GCLM: variants seen among roughly 807,000 people sequenced by gnomAD.
GCLM encodes the protein glutamate--cysteine ligase regulatory subunit.
A neutral mutation model predicts 36.0 loss-of-function variants in GCLM; 15 were observed. That is an observed-to-expected ratio of 0.42 (90% CI 0.28 to 0.64). GCLM has a LOEUF of 0.64. GCLM is among the 30% of genes least tolerant of loss of function. The probability of loss-of-function intolerance (pLI) is 0.25; values close to 1 mark genes in which losing one functional copy is unlikely to be tolerated. For synonymous variants in GCLM, 129 were observed against 122.8 expected (o/e 1.05, Z -0.34); for missense variants, 242 against 325.5 (o/e 0.74, Z 1.97).
chr1:93,888,958 G>T lies in GCLM; in HGVS notation c.*32C>A. 13 of 1,444,432 alleles carry T rather than the reference G, an allele frequency of 9.0e-6. No homozygotes were observed. The highest frequency in any genetic ancestry group is 1.2e-5 in the Non-Finnish European group (13 of 1,073,774). The allele number at this position is 1,444,432 out of a possible 1,614,324, so 89.5% of individuals were successfully genotyped here. A position where few individuals can be genotyped will look rare whatever the true frequency, so the allele number is the denominator to read the frequency against. ...ATCTCAATTTTCTCTCATATTGAAG[G>T]AAATTACAGGTAAGTTATGCTCCTA... On this transcript the variant is annotated 3_prime_UTR_variant, in exon 7 of 7. Transcript: ENST00000370238.
intron 1 of GCLM, among the ~76,000 whole-genome samples, chr1:93,906,611 G>A (rs892210644): frequency 3.3e-5 from 5 of 152,124 alleles, no homozygotes; most frequent in African/African-American, 7.2e-5. Flanking sequence ...TTACAATTAC[G>A]TAGGAAATTC....
At chr1:93,901,188 A>C (rs777724994) in intron 3 of GCLM, among the ~76,000 whole-genome samples, 16 of 152,096 alleles carry the variant, frequency 1.1e-4, no homozygotes, top group Non-Finnish European at 1.9e-4. Flanking sequence ...GTTTCTTTTT[A>C]TATTCCCAGG....
chr1:93,904,563 A>T lies in GCLM; in HGVS notation c.152T>A (p.Leu51Ter). 1 of 1,612,008 alleles carries T rather than the reference A, an allele frequency of 6.2e-7. No individual in the cohort carries two copies. The highest frequency in any genetic ancestry group is 8.5e-7 in the Non-Finnish European group (1 of 1,178,148). ...EELHDCIQKT[L>*]NEWSSQINPD... The stretch of plus-strand genomic sequence containing the variant: ...GTTGATTTGGGAACTCCATTCATTC[A>T]AGGTTTTTTGGATACAATCATGAAG... The change falls in exon 2 of 7, where the codon TTG becomes TAG. Residue 51 changes from leucine (L) to a stop codon, truncating the protein, a stop_gained. Coordinates refer to ENST00000370238, the MANE Select transcript of GCLM (RefSeq NM_002061.4). LOFTEE classifies it high-confidence loss of function.
chr1:93,903,306 A>T (rs191729897), intron 2 of GCLM, among the ~76,000 whole-genome samples: 205 of 151,114 alleles, frequency 1.4e-3, no homozygotes, highest in African/African-American at 4.7e-3. Context: ...TTATTTATTT[A>T]ATTTTATTAT....
At chr1:93,889,578 C>CATAT (rs147435328) in intron 6 of GCLM, among the ~76,000 whole-genome samples, 1 of 149,148 alleles carries the variant, frequency 6.7e-6, no homozygotes. Flanking sequence ...TATATATCTT[C>CATAT]ATATATATAT....
At chr1:93,898,303 GAAAA>G (rs58007552) in intron 3 of GCLM, among the ~76,000 whole-genome samples, 723 of 16,370 alleles carry the variant, frequency 0.044, 6 homozygotes, top group African/African-American at 0.14. Flanking sequence ...GAAGAAAACT[GAAAA>G]AAAAAAAAAA....
Position 93,909,019 on chromosome 1 carries a change from CG to C in GCLM, c.126+18del. ...GAGGCCTGCCCCGGGAGCCCCGCGGCGAGTGTCGCCACGCTCACCTCCTCGC... is the reference window on the plus strand; with the variant it reads ...GAGGCCTGCCCCGGGAGCCCCGCGGCAGTGTCGCCACGCTCACCTCCTCGC... On this transcript the variant is annotated intron_variant, in intron 1 of 6. Transcript: ENST00000370238. The C allele has an allele frequency of 1.4e-6, 2 of 1,445,668 alleles. No homozygotes were observed. The highest frequency in any genetic ancestry group is 2.7e-5 in the South Asian group (2 of 75,206). The allele number at this position is 1,445,668 out of a possible 1,614,324, so 89.6% of individuals were successfully genotyped here. A position where few individuals can be genotyped will look rare whatever the true frequency, so the allele number is the denominator to read the frequency against.
At position 93,894,686 on chromosome 1, in the gene GCLM, C is replaced by T. The variant is rs1395694700; in HGVS notation, c.583G>A (p.Val195Met). Residue 195 changes from valine (V) to methionine (M), a missense_variant, in exon 6 of 7, where the codon GTG (valine) becomes ATG (methionine). By Grantham distance (21) the Val-to-Met change is conservative (BLOSUM62 1). Transcript: ENST00000370238. ...AATGCAGTCAAATCTGGTGGCATCA[C>T]ACAGCAGGAGGCAAGATTAACTTGG... ...SNQVNLASCC[V>M]MPPDLTAFAK... is the part of the protein sequence containing the mutation. 16 of 1,611,770 alleles carry T rather than the reference C, an allele frequency of 9.9e-6. No homozygotes were observed. In the East Asian group the frequency reaches 1.3e-4, roughly 14 times the overall value.
chr1:93,896,751 ACT>A lies in GCLM; in HGVS notation c.405_406del (p.Val136Ter). On this transcript the variant is annotated frameshift_variant, in exon 5 of 7. Coordinates refer to ENST00000370238, the MANE Select transcript of GCLM (RefSeq NM_002061.4). LOFTEE classifies it high-confidence loss of function. ...CTGTAAATGCTCCAAGGAAAGATTA[ACT>A]CCATCTTCAATAGGAGGTGAAGCAA... 4 of 1,610,686 alleles carry A rather than the reference ACT, an allele frequency of 2.5e-6. No individual in the cohort carries two copies. The highest frequency in any genetic ancestry group is 3.4e-6 in the Non-Finnish European group (4 of 1,176,868).
intron 1 of GCLM, 125 bp from the exon 2 acceptor site, chr1:93,904,713 A>C: frequency 1.5e-6 from 1 of 647,716 alleles, no homozygotes; most frequent in Non-Finnish European, 2.7e-6. Flanking sequence ...TACCATACAA[A>C]CCCCAATTTT....
intron 2 of GCLM, among the ~76,000 whole-genome samples, chr1:93,902,762 T>A (rs1162518579): frequency 2.0e-5 from 3 of 152,222 alleles, no homozygotes; most frequent in African/African-American, 7.2e-5. Flanking sequence ...TATCCACCAT[T>A]ACAATATCAT....
chr1:93,887,426 A>C lies in GCLM; in HGVS notation c.*1564T>G, dbSNP rs555802330. The stretch of plus-strand genomic sequence containing the variant: ...CCCTAGGTTGAGAAAACTTGAGCAA[A>C]ATTAGTTTTATTTAGGCCTGTGGTT... On this transcript the variant is annotated 3_prime_UTR_variant, in exon 7 of 7. Coordinates refer to ENST00000370238, the MANE Select transcript of GCLM (RefSeq NM_002061.4). The C allele has an allele frequency of 6.6e-6, 1 of 152,054 alleles. No individual in the cohort carries two copies. Among genetic ancestry groups the C allele is most frequent in the Admixed American group, 6.5e-5 (1 of 15,274 alleles). 9.4% of individuals were successfully genotyped at this position (152,054 alleles called of 1,614,324 possible).
rs760736712 is a variant in GCLM, at chr1:93,896,677, C to T, written c.481G>A (p.Ala161Thr). Residue 161 changes from alanine (A) to threonine (T), a missense_variant, in exon 5 of 7, where the codon GCC (alanine) becomes ACC (threonine). Physicochemically the swap from Ala to Thr is moderately conservative, Grantham distance 58 (BLOSUM62 0). Transcript: ENST00000370238. The stretch of plus-strand genomic sequence containing the variant: ...TTGTCTAGATCAGAGGTACCTATGG[C>T]AACAATCTTTTTGCTCTGAACTAAG... The part of the protein sequence containing the change: ...ENLVQSKKIV[A>T]IGTSDLDKTQ... 1 of 1,614,038 alleles carries T rather than the reference C, an allele frequency of 6.2e-7. No homozygotes were observed. The highest frequency in any genetic ancestry group is 1.1e-5 in the South Asian group (1 of 91,072).
intron 5 of GCLM, among the ~76,000 whole-genome samples, chr1:93,895,053 C>T (rs1258420014): frequency 2.8e-5 from 4 of 140,544 alleles, no homozygotes; most frequent in African/African-American, 5.3e-5. Flanking sequence ...CTTGCTCTGT[C>T]GCCCAGGCTG....
intron 1 of GCLM, chr1:93,908,548 A>G (rs1210428409): frequency 6.6e-6 from 1 of 152,278 alleles, no homozygotes; most frequent in Non-Finnish European, 1.5e-5. Context: ...TTGAGTGCTT[A>G]CTCATTTGCC....
intron 4 of GCLM, among the ~76,000 whole-genome samples, 165 bp downstream of exon 4, chr1:93,897,674 C>G (rs1373195462): frequency 6.6e-6 from 1 of 152,066 alleles, no homozygotes; most frequent in Non-Finnish European, 1.5e-5. Flanking sequence ...CTACATAAGT[C>G]AGTATGATTT....
rs1482054508 is a variant in GCLM, at chr1:93,885,918, C to T, written c.*3072G>A. 6.6e-6 allele frequency: 1 copy of T among 152,140 alleles called. No individual in the cohort carries two copies. Among genetic ancestry groups the T allele is most frequent in the South Asian group, 2.1e-4 (1 of 4,826 alleles). The allele number at this position is 152,140 out of a possible 1,614,324, so 9.4% of individuals were successfully genotyped here. A position where few individuals can be genotyped will look rare whatever the true frequency, so the allele number is the denominator to read the frequency against. On this transcript the variant is annotated 3_prime_UTR_variant, in exon 7 of 7. Coordinates refer to ENST00000370238, the MANE Select transcript of GCLM (RefSeq NM_002061.4). The stretch of plus-strand genomic sequence containing the variant: ...TGGCTGTGGTATGGGAAAGTCTGAA[C>T]TATTCATGCAAAATAGAATAATTTT...
rs17886306 is a variant in GCLM at position 93,898,111 on chromosome 1, T to C, written c.278-213A>G. On this transcript the variant is annotated intron_variant, in intron 3 of 6. Transcript: ENST00000370238. ...ATCATGTGCTAGTTGCCAACAAATA[T>C]ATGTTTATCAAAACAAAAAGTAAAT... is the stretch of plus-strand genomic sequence containing the variant. 9.2e-3 allele frequency among the ~76,000 whole-genome samples: 1,395 copies of C among 152,100 alleles called. 23 individuals are homozygous for C. The highest frequency in any genetic ancestry group is 0.032 in the African/African-American group (1,336 of 41,518).
intron 6 of GCLM, among the ~76,000 whole-genome samples, chr1:93,892,920 G>A (rs1287896446): frequency 6.6e-6 from 1 of 152,074 alleles, no homozygotes; most frequent in African/African-American, 2.4e-5. Flanking sequence ...CATGACATCT[G>A]CCAACATATG....
Sources: gnomAD v4.1 joint callset for allele counts (sites outside exome capture counted in the v4.1 genomes callset) on GRCh38, gnomAD v4.1.1 for gene constraint, MANE v1.5 for transcripts, NCBI Gene and HGNC (gene_info 2026-07-23, HGNC 2026-07-21) for gene names.